The following GAREM1 variants were observed in gnomAD, a reference collection of about 807,000 sequenced individuals.
GAREM1 encodes GRB2 associated regulator of MAPK1 subtype 1.
Under a neutral mutation model 71.3 loss-of-function variants are expected in GAREM1, and 26 were observed. The observed-to-expected ratio is 0.36, with a 90% CI of 0.27 to 0.51. The LOEUF (loss-of-function observed/expected upper bound fraction) is 0.51. GAREM1 is among the 20% of genes least tolerant of loss of function. The pLI, the probability that GAREM1 is intolerant of heterozygous loss-of-function variation, is 0.95. For missense variants in GAREM1, 1,026 were observed against 1,103.1 expected, an observed-to-expected ratio of 0.93 and a Z score of 0.99; for synonymous variants, 440 against 433.2, an observed-to-expected ratio of 1.02 and a Z score of -0.20.
chr18:32,401,024 A>C (rs2048309870), intron 1 of GAREM1, among the ~76,000 whole-genome samples: 3 of 152,208 alleles, frequency 2.0e-5, no homozygotes, highest in Non-Finnish European at 1.5e-5. Context: ...TGTTCTTTGT[A>C]GGGACATGGA....
chr18:32,370,579 A>G (rs568462606), intron 2 of GAREM1, among the ~76,000 whole-genome samples: 19 of 152,282 alleles, frequency 1.2e-4, no homozygotes, highest in Middle Eastern at 6.8e-3. Flanking sequence ...TGTATTTGAA[A>G]TTCCAACATA....
chr18:32,315,791 G>A (rs2047372914), intron 2 of GAREM1, among the ~76,000 whole-genome samples: 1 of 152,070 alleles, frequency 6.6e-6, no homozygotes, highest in Non-Finnish European at 1.5e-5. Context: ...TGTATTTCCT[G>A]AAAAAGAAGA....
At chr18:32,464,567 T>C (rs1313536911) in intron 1 of GAREM1, among the ~76,000 whole-genome samples, 1 of 152,230 alleles carries the variant, frequency 6.6e-6, no homozygotes, top group African/African-American at 2.4e-5. Context: ...AGTCAGTTTA[T>C]AACACTTTCT....
Position 32,317,442 on chromosome 18 carries a change from C to T in GAREM1, c.263-7119G>A, listed in dbSNP as rs2047390094. Among the ~76,000 whole-genome samples the T allele has an allele frequency of 2.6e-5, 4 of 151,216 alleles. No individual in the cohort carries two copies. The South Asian group carries it at 6.2e-4, about 24-fold the overall frequency. On this transcript the variant is annotated intron_variant, in intron 2 of 5. Transcript: ENST00000269209. ...AGCAAAGAAAAGAAAGTGACTCGTC[C>T]TTTTATTGCATACCACTGAACAGTC...
At chr18:32,344,369 A>G (rs2047675217) in intron 2 of GAREM1, among the ~76,000 whole-genome samples, 2 of 152,324 alleles carry the variant, frequency 1.3e-5, no homozygotes, top group African/African-American at 2.4e-5. Context: ...TATCCTTCTT[A>G]GTACTGGCAA....
rs538555038 is a variant in GAREM1, at chr18:32,269,604, A to G, written c.1733+613T>C. 3.3e-5 allele frequency among the ~76,000 whole-genome samples: 5 copies of G among 152,330 alleles called. No individual in the cohort carries two copies. In the South Asian group the frequency reaches 1.0e-3, roughly 32 times the overall value. On this transcript the variant is annotated intron_variant, in intron 5 of 5. Coordinates refer to ENST00000269209, the MANE Select transcript of GAREM1 (RefSeq NM_001242409.2). The stretch of plus-strand genomic sequence containing the variant: ...GGGATGGACCTATTTTTGTTTCTTT[A>G]GACCTAAGAAATGATTGAAAGTTAC...
At chr18:32,396,831 A>G (rs2048262337) in intron 1 of GAREM1, among the ~76,000 whole-genome samples, 1 of 152,152 alleles carries the variant, frequency 6.6e-6, no homozygotes, top group Non-Finnish European at 1.5e-5. Flanking sequence ...CCTCGAGAAG[A>G]GCAACTCCAA....
intron 3 of GAREM1, among the ~76,000 whole-genome samples, chr18:32,291,284 T>G: frequency 6.8e-6 from 1 of 146,042 alleles, no homozygotes; most frequent in Non-Finnish European, 1.5e-5. Context: ...AAAGGAAAAA[T>G]TAGTATATAC....
chr18:32,372,701 A>G (rs1041849470), intron 2 of GAREM1, among the ~76,000 whole-genome samples: 3 of 152,264 alleles, frequency 2.0e-5, no homozygotes, highest in African/African-American at 7.2e-5. Flanking sequence ...TGCAATGTCA[A>G]CAAAACTGGG....
In GAREM1 at chr18:32,357,090, T is replaced by C. The variant is rs539883218; in HGVS notation, c.262+35805A>G. Among the ~76,000 whole-genome samples the C allele has an allele frequency of 2.8e-3, 420 of 152,298 alleles. 2 individuals are homozygous for C. The highest frequency in any genetic ancestry group is 9.6e-3 in the African/African-American group (401 of 41,576). On this transcript the variant is annotated intron_variant, in intron 2 of 5. Transcript: ENST00000269209. ...TCCTTTCGTACAAAGAACTTGTTCTTGTTTCATATCCTTCACACACTCCGT... is the reference window on the plus strand; with the variant it reads ...TCCTTTCGTACAAAGAACTTGTTCTCGTTTCATATCCTTCACACACTCCGT...
intron 1 of GAREM1, among the ~76,000 whole-genome samples, chr18:32,436,756 A>G (rs2048683376): frequency 6.6e-6 from 1 of 152,230 alleles, no homozygotes; most frequent in African/African-American, 2.4e-5. Context: ...TAAAATGGAC[A>G]AAATCTCAAG....
rs769711190 is a variant in GAREM1, at chr18:32,267,850, T to C, written c.*21A>G. ...ACACGCATTGATCAGTTTTGTTCCA[T>C]GCTGGCCGGGGGTTATTTGGCTATA... On this transcript the variant is annotated 3_prime_UTR_variant, in exon 6 of 6. Transcript: ENST00000269209. 1 of 1,593,036 alleles carries C rather than the reference T, an allele frequency of 6.3e-7. No individual in the cohort carries two copies. Among genetic ancestry groups the C allele is most frequent in the East Asian group, 2.2e-5 (1 of 44,710 alleles).
intron 4 of GAREM1, among the ~76,000 whole-genome samples, chr18:32,283,691 T>C (rs541030538): frequency 6.6e-6 from 1 of 152,258 alleles, no homozygotes; most frequent in East Asian, 1.9e-4. Context: ...ATACAAGATA[T>C]ATTAACAAAA....
At chr18:32,324,609 A>G (rs1193884044) in intron 2 of GAREM1, among the ~76,000 whole-genome samples, 1 of 152,238 alleles carries the variant, frequency 6.6e-6, no homozygotes, top group South Asian at 2.1e-4. Context: ...GGATAGGAGG[A>G]CAGTCCAAAT....
intron 1 of GAREM1, chr18:32,413,020 G>C: frequency 6.3e-7 from 1 of 1,599,228 alleles, no homozygotes; most frequent in Admixed American, 1.7e-5. Context: ...CCCCTGGAGC[G>C]CTTGGTGTTT....
At chr18:32,364,026 A>ATATATTT (rs1336753011) in intron 2 of GAREM1, among the ~76,000 whole-genome samples, 1 of 46,400 alleles carries the variant, frequency 2.2e-5, no homozygotes, top group African/African-American at 1.6e-4. Flanking sequence ...ATATATATAT[A>ATATATTT]TGTTTTTTTT....
At chr18:32,295,855 C>A (rs2047134224) in intron 3 of GAREM1, among the ~76,000 whole-genome samples, 1 of 152,188 alleles carries the variant, frequency 6.6e-6, no homozygotes, top group Non-Finnish European at 1.5e-5. Flanking sequence ...TTAACAAGAT[C>A]TCAACCTAAC....
chr18:32,463,155 T>C (rs957744516), intron 1 of GAREM1, among the ~76,000 whole-genome samples: 1 of 152,172 alleles, frequency 6.6e-6, no homozygotes, highest in Non-Finnish European at 1.5e-5. Context: ...TTGCATAATG[T>C]GTACATATAC....
intron 2 of GAREM1, among the ~76,000 whole-genome samples, chr18:32,313,662 C>T (rs1418266878): frequency 1.3e-5 from 2 of 152,084 alleles, no homozygotes; most frequent in Admixed American, 6.5e-5. Flanking sequence ...GTGGGTGATA[C>T]AGTCTGATGA....
Sources: gnomAD v4.1 joint callset for allele counts (sites outside exome capture counted in the v4.1 genomes callset) on GRCh38, gnomAD v4.1.1 for gene constraint, MANE v1.5 for transcripts, NCBI Gene and HGNC (gene_info 2026-07-23, HGNC 2026-07-21) for gene names.